PTPRT: variants seen among roughly 807,000 people sequenced by gnomAD.
The protein encoded by PTPRT is receptor-type tyrosine-protein phosphatase T.
In PTPRT, 56 loss-of-function variants were observed where a neutral mutation model predicts 176.8. The ratio of observed to expected loss-of-function variants is 0.32; its 90% confidence interval spans 0.26 to 0.40. The LOEUF is 0.40. PTPRT is among the 10% of genes least tolerant of loss of function. The pLI is 1.00. For synonymous variants in PTPRT, 783 were observed against 739.0 expected, an observed-to-expected ratio of 1.06 and a Z score of -0.96; for missense variants, 1,540 against 1,908.2, an observed-to-expected ratio of 0.81 and a Z score of 3.60.
chr20:42,899,774 A>C (rs2079368856), intron 1 of PTPRT, among the ~76,000 whole-genome samples: 1 of 152,204 alleles, frequency 6.6e-6, no homozygotes, highest in South Asian at 2.1e-4. Context: ...GAATATGATG[A>C]AGTGTCAGAA....
intron 7 of PTPRT, among the ~76,000 whole-genome samples, chr20:42,575,329 G>C (rs1242318705): frequency 6.6e-6 from 1 of 152,176 alleles, no homozygotes; most frequent in Non-Finnish European, 1.5e-5. Flanking sequence ...GGAAGAAGAG[G>C]GGCCATTTTC....
Position 42,678,071 on chromosome 20 carries a change from C to A in PTPRT, c.948G>T (p.Gly316=), listed in dbSNP as rs780420922. The change falls in exon 7 of 31, where the codon GGG becomes GGT. Residue 316 remains glycine (G), a synonymous_variant. Coordinates refer to ENST00000373187, the MANE Select transcript of PTPRT (RefSeq NM_007050.6). The stretch of plus-strand genomic sequence containing the variant: ...CTTCCTTCAGGATGATGGGGCCATC[C>A]CCGATGATGGAGTTGGCATTTGGCT... ...WIKPNANSII[G]DGPIILKEVE... 1.2e-6 allele frequency: 2 copies of A among 1,614,144 alleles called. No individual in the cohort carries two copies. Among genetic ancestry groups the A allele is most frequent in the Non-Finnish European group, 1.7e-6 (2 of 1,180,028 alleles).
At chr20:42,693,493 T>C (rs1473027475) in intron 6 of PTPRT, among the ~76,000 whole-genome samples, 2 of 152,176 alleles carry the variant, frequency 1.3e-5, no homozygotes, top group Non-Finnish European at 2.9e-5. Flanking sequence ...AAATGAGGTA[T>C]TAAGCTACAG....
intron 9 of PTPRT, among the ~76,000 whole-genome samples, chr20:42,436,321 C>A (rs1490904536): frequency 6.6e-6 from 1 of 151,774 alleles, no homozygotes; most frequent in Non-Finnish European, 1.5e-5. Flanking sequence ...TTGTAACTGG[C>A]AAAATATTAT....
chr20:42,574,647 C>T (rs1166457244), intron 7 of PTPRT, among the ~76,000 whole-genome samples: 3 of 152,016 alleles, frequency 2.0e-5, no homozygotes, highest in African/African-American at 7.2e-5. Flanking sequence ...GACAGAAAGG[C>T]TTCTAGGGCT....
At chr20:42,566,916 C>T (rs1410256911) in intron 7 of PTPRT, among the ~76,000 whole-genome samples, 1 of 152,170 alleles carries the variant, frequency 6.6e-6, no homozygotes, top group African/African-American at 2.4e-5. Context: ...TGGGGACTCT[C>T]TATATTATCT....
At chr20:42,178,629 A>G (rs1212049822) in intron 16 of PTPRT, among the ~76,000 whole-genome samples, 1 of 152,206 alleles carries the variant, frequency 6.6e-6, no homozygotes, top group Admixed American at 6.5e-5. Context: ...GCAGATAGAA[A>G]TCTGGTTGCA....
intron 7 of PTPRT, among the ~76,000 whole-genome samples, chr20:42,582,692 T>A (rs1350822759): frequency 1.3e-5 from 2 of 152,134 alleles, no homozygotes; most frequent in Admixed American, 1.3e-4. Flanking sequence ...TTTTGTAGAG[T>A]CAGGCATGCT....
chr20:43,174,213 C>A (rs2015073370), intron 1 of PTPRT, among the ~76,000 whole-genome samples: 1 of 152,144 alleles, frequency 6.6e-6, no homozygotes, highest in Admixed American at 6.5e-5. Flanking sequence ...CAGAATCTAG[C>A]CTTGAATTCC....
the PTPRT span, among the ~76,000 whole-genome samples, chr20:42,035,699 G>A: frequency 5.9e-5 from 9 of 152,150 alleles, no homozygotes; most frequent in Non-Finnish European, 1.0e-4. Flanking sequence ...TAGAAGTTGG[G>A]TACTATTGCT....
At chr20:42,332,026 C>T (rs2057972454) in intron 11 of PTPRT, among the ~76,000 whole-genome samples, 1 of 151,708 alleles carries the variant, frequency 6.6e-6, no homozygotes, top group African/African-American at 2.4e-5. Flanking sequence ...CTCATACTTG[C>T]TATAAAAGCA....
chr20:42,961,752 C>T (rs1981996453), intron 1 of PTPRT, among the ~76,000 whole-genome samples: 3 of 152,160 alleles, frequency 2.0e-5, no homozygotes, highest in Admixed American at 2.0e-4. Flanking sequence ...TGTGTATATG[C>T]TACCTCACAC....
At chr20:42,344,815 T>C (rs1410135862) in intron 11 of PTPRT, among the ~76,000 whole-genome samples, 1 of 152,096 alleles carries the variant, frequency 6.6e-6, no homozygotes, top group Admixed American at 6.5e-5. Flanking sequence ...CCTTTGCTTC[T>C]CTCCTCATCT....
At chr20:42,653,612 C>T (rs760307372) in intron 7 of PTPRT, among the ~76,000 whole-genome samples, 11 of 152,090 alleles carry the variant, frequency 7.2e-5, no homozygotes, top group African/African-American at 1.9e-4. Context: ...TCCCTGACAG[C>T]GTATTAAGAT....
At chr20:42,320,966 C>T (rs974015179) in intron 11 of PTPRT, among the ~76,000 whole-genome samples, 15 of 152,118 alleles carry the variant, frequency 9.9e-5, no homozygotes, top group Non-Finnish European at 1.9e-4. Flanking sequence ...AGCTGGGAGA[C>T]GGACACACAG....
At chr20:42,825,416 C>T (rs963574736) in intron 2 of PTPRT, among the ~76,000 whole-genome samples, 1 of 151,582 alleles carries the variant, frequency 6.6e-6, no homozygotes, top group Non-Finnish European at 1.5e-5. Flanking sequence ...TCCAAGCATT[C>T]AAGAATATTT....
chr20:42,473,919 C>G (rs2145298070), intron 7 of PTPRT, among the ~76,000 whole-genome samples: 3 of 152,252 alleles, frequency 2.0e-5, no homozygotes, highest in Middle Eastern at 3.4e-3. Context: ...ACCTACAGAA[C>G]TTTGCCCAAT....
At chr20:42,719,781 T>C (rs1052914952) in intron 6 of PTPRT, among the ~76,000 whole-genome samples, 2 of 152,080 alleles carry the variant, frequency 1.3e-5, no homozygotes, top group African/African-American at 2.4e-5. Flanking sequence ...GAAGAGCCAG[T>C]GTATAAACGT....
rs267605938 is a variant in PTPRT at position 42,780,285 on chromosome 20, G to A, written c.501C>T (p.Ser167=). The A allele has an allele frequency of 1.2e-4, 186 of 1,613,772 alleles. 2 individuals are homozygous for A. In the South Asian group the frequency reaches 1.6e-3, roughly 14 times the overall value. Residue 167 remains serine (S), a synonymous_variant, in exon 4 of 31, where the codon TCC becomes TCT. Transcript: ENST00000373187. ...AGCCAGGATGACCCTTCAATGAGACGGATTCAAATATCACCTGCAACACAC... is the reference window on the plus strand; with the variant it reads ...AGCCAGGATGACCCTTCAATGAGACAGATTCAAATATCACCTGCAACACAC... ...WPHFYQVIFE[S]VSLKGHPGYI... is the part of the protein sequence containing the mutation.
Sources: gnomAD v4.1 joint callset for allele counts (sites outside exome capture counted in the v4.1 genomes callset) on GRCh38, gnomAD v4.1.1 for gene constraint, MANE v1.5 for transcripts, NCBI Gene and HGNC (gene_info 2026-07-23, HGNC 2026-07-21) for gene names.